The following PLXNA2 variants were observed in gnomAD, a reference collection of about 807,000 sequenced individuals.
The protein encoded by PLXNA2 is plexin A2.
Under a neutral mutation model 193.5 loss-of-function variants are expected in PLXNA2, and 91 were observed. The observed-to-expected ratio is 0.47, with a 90% CI of 0.40 to 0.56. PLXNA2 has a LOEUF of 0.56. PLXNA2 is among the 20% of genes least tolerant of loss of function. The pLI, the probability that PLXNA2 is intolerant of heterozygous loss-of-function variation, is 0.00. For missense variants in PLXNA2, 1,995 were observed against 2,503.2 expected (o/e 0.80, Z 4.33); for synonymous variants, 997 against 1,027.3 (o/e 0.97, Z 0.56).
At chr1:208,172,062 C>T (rs1669512845) in intron 3 of PLXNA2, among the ~76,000 whole-genome samples, 1 of 148,038 alleles carries the variant, frequency 6.8e-6, no homozygotes, top group Admixed American at 6.7e-5. Context: ...ATTACTTCTG[C>T]ACCAATGTTG....
intron 1 of PLXNA2, among the ~76,000 whole-genome samples, chr1:208,233,694 G>A (rs186236842): frequency 6.6e-6 from 1 of 152,344 alleles, no homozygotes; most frequent in Admixed American, 6.5e-5. Context: ...CTCCCAGCCA[G>A]CACAGTTTGC....
intron 11 of PLXNA2, among the ~76,000 whole-genome samples, chr1:208,079,899 C>G (rs951784577): frequency 3.6e-4 from 55 of 152,272 alleles, no homozygotes; most frequent in African/African-American, 1.3e-3. Context: ...TGAACTCGTG[C>G]TATATTCTTA....
chr1:208,109,375 T>G (rs118081183), intron 4 of PLXNA2, among the ~76,000 whole-genome samples: 1 of 151,792 alleles, frequency 6.6e-6, no homozygotes, highest in Non-Finnish European at 1.5e-5. Flanking sequence ...TTTCCCCCAA[T>G]CCAAACCTGT....
intron 8 of PLXNA2, among the ~76,000 whole-genome samples, chr1:208,093,157 A>C (rs1252209128): frequency 1.3e-5 from 2 of 152,266 alleles, no homozygotes; most frequent in African/African-American, 4.8e-5. Context: ...TAAGCTCATG[A>C]GAACTGATTA....
chr1:208,090,857 G>A (rs1666683584), intron 9 of PLXNA2, among the ~76,000 whole-genome samples: 1 of 152,178 alleles, frequency 6.6e-6, no homozygotes, highest in Admixed American at 6.5e-5. Context: ...CTTCACCCCT[G>A]CCCAGGCCTC....
chr1:208,205,446 C>T (rs1048213543), intron 3 of PLXNA2, among the ~76,000 whole-genome samples: 9 of 152,172 alleles, frequency 5.9e-5, no homozygotes, highest in Non-Finnish European at 1.2e-4. Flanking sequence ...CCTGTCTGTG[C>T]CAAGCCCCTC....
At chr1:208,030,025 C>G (rs1227853618) in intron 29 of PLXNA2, 1 of 985,366 alleles carries the variant, frequency 1.0e-6, no homozygotes, top group Non-Finnish European at 1.2e-6. Context: ...CTCTCATGGG[C>G]CCCAAACTTT....
intron 3 of PLXNA2, among the ~76,000 whole-genome samples, chr1:208,172,076 A>G (rs1408016709): frequency 6.7e-6 from 1 of 150,166 alleles, no homozygotes; most frequent in Non-Finnish European, 1.5e-5. Flanking sequence ...AATGTTGTGC[A>G]GTGAGATAAG....
chr1:208,046,624 A>G (rs1350379590), intron 17 of PLXNA2, among the ~76,000 whole-genome samples: 1 of 147,564 alleles, frequency 6.8e-6, no homozygotes, highest in Non-Finnish European at 1.5e-5. Flanking sequence ...TGACTCATGG[A>G]AGTTTTCCCA....
chr1:208,083,369 A>T (rs1334020777), intron 10 of PLXNA2, among the ~76,000 whole-genome samples: 1 of 152,176 alleles, frequency 6.6e-6, no homozygotes, highest in Non-Finnish European at 1.5e-5. Context: ...CCTGTGATGG[A>T]GACCTCGGGG....
chr1:208,241,474 C>T (rs1032486858), intron 1 of PLXNA2, among the ~76,000 whole-genome samples: 6 of 152,180 alleles, frequency 3.9e-5, no homozygotes, highest in African/African-American at 1.4e-4. Context: ...AAAAGCTAGC[C>T]AGCCCCCCTG....
At chr1:208,054,272 A>G in intron 14 of PLXNA2, 149 bp downstream of exon 14, 1 of 567,612 alleles carries the variant, frequency 1.8e-6, no homozygotes. Flanking sequence ...CAGCAAGACC[A>G]GAAGTTGCCT....
chr1:208,194,171 G>A (rs1558237803), intron 3 of PLXNA2, among the ~76,000 whole-genome samples: 1 of 151,800 alleles, frequency 6.6e-6, no homozygotes, highest in Non-Finnish European at 1.5e-5. Context: ...GGTATGTTGT[G>A]CTCAGGTTGG....
chr1:208,228,669 T>C (rs1283964164), intron 1 of PLXNA2, among the ~76,000 whole-genome samples: 1 of 152,106 alleles, frequency 6.6e-6, no homozygotes, highest in Non-Finnish European at 1.5e-5. Flanking sequence ...CAAGTTCAAG[T>C]CCTTTCCCAG....
At chr1:208,189,837 A>G (rs1305188038) in intron 3 of PLXNA2, among the ~76,000 whole-genome samples, 1 of 152,184 alleles carries the variant, frequency 6.6e-6, no homozygotes, top group African/African-American at 2.4e-5. Context: ...AGCTACAAAT[A>G]AAATCCCACA....
intron 4 of PLXNA2, among the ~76,000 whole-genome samples, chr1:208,141,883 G>A (rs1668464804): frequency 6.6e-6 from 1 of 152,208 alleles, no homozygotes; most frequent in Admixed American, 6.5e-5. Flanking sequence ...CTCTGCACCA[G>A]TCTAAGACTC....
intron 17 of PLXNA2, among the ~76,000 whole-genome samples, chr1:208,049,955 T>C (rs1205376645): frequency 1.3e-5 from 2 of 152,232 alleles, no homozygotes; most frequent in African/African-American, 2.4e-5. Flanking sequence ...TAGTAGCATC[T>C]GCTATAATAT....
chr1:208,073,742 A>G (rs1666044853), intron 12 of PLXNA2, among the ~76,000 whole-genome samples: 1 of 151,802 alleles, frequency 6.6e-6, no homozygotes, highest in Non-Finnish European at 1.5e-5. Flanking sequence ...GTGGGCACTA[A>G]TCCAATATGA....
intron 3 of PLXNA2, among the ~76,000 whole-genome samples, chr1:208,197,709 C>T (rs1670404528): frequency 6.6e-6 from 1 of 152,208 alleles, no homozygotes; most frequent in African/African-American, 2.4e-5. Flanking sequence ...TTAGCCTAAA[C>T]TGACTCCCAT....
Sources: gnomAD v4.1 joint callset for allele counts (sites outside exome capture counted in the v4.1 genomes callset) on GRCh38, gnomAD v4.1.1 for gene constraint, MANE v1.5 for transcripts, NCBI Gene and HGNC (gene_info 2026-07-23, HGNC 2026-07-21) for gene names.